Variants in DAB1 observed in about 807,000 individuals in gnomAD.
DAB1 encodes DAB adaptor protein 1, also known as disabled homolog 1.
Under a neutral mutation model 64.6 loss-of-function variants are expected in DAB1, and 15 were observed. The observed-to-expected ratio is 0.23, with a 90% confidence interval of 0.16 to 0.36. DAB1 has a LOEUF of 0.36. Ranked by LOEUF, DAB1 falls within the 10% of genes least tolerant of loss-of-function variation. The pLI is 1.00. For missense variants in DAB1, 596 were observed against 706.7 expected (o/e 0.84, Z 1.78); for synonymous variants, 235 against 251.9 (o/e 0.93, Z 0.64).
Position 58,054,273 on chromosome 1 carries a change from C to G in DAB1, n.387+96238G>C, listed in dbSNP as rs536074196. Among the ~76,000 whole-genome samples, 5 of 152,330 alleles carry G rather than the reference C, an allele frequency of 3.3e-5. No homozygotes were observed. In the East Asian group the frequency reaches 9.6e-4, roughly 29 times the overall value. ...GATAACAGAATAACTCCTATATCTACAATTTTAAAATTCTCATGGCTTAAA... is the reference window on the plus strand; with the variant it reads ...GATAACAGAATAACTCCTATATCTAGAATTTTAAAATTCTCATGGCTTAAA... On this transcript the variant is annotated intron_variant and non_coding_transcript_variant, in intron 5 of 20. Transcript: ENST00000485760.
At chr1:58,257,209 A>T (rs1051097133) in intron 4 of DAB1, among the ~76,000 whole-genome samples, 1 of 152,206 alleles carries the variant, frequency 6.6e-6, no homozygotes, top group South Asian at 2.1e-4. Flanking sequence ...AAAATCTCCA[A>T]CCAAGCTGCA....
intron 2 of DAB1, among the ~76,000 whole-genome samples, chr1:57,206,406 A>G (rs197610): frequency 0.54 from 82,005 of 152,082 alleles, 22,367 homozygotes; most frequent in African/African-American, 0.6. Context: ...TACCTCATTG[A>G]TAAGATTTGT....
intron 1 of DAB1, among the ~76,000 whole-genome samples, chr1:57,306,403 T>C (rs1320012468): frequency 6.6e-6 from 1 of 151,902 alleles, no homozygotes; most frequent in African/African-American, 2.4e-5. Context: ...TATTAGCTGA[T>C]AAATAAAACC....
intron 8 of DAB1, among the ~76,000 whole-genome samples, chr1:57,068,944 ATGT>A (rs1651190685): frequency 6.6e-6 from 1 of 152,230 alleles, no homozygotes; most frequent in Non-Finnish European, 1.5e-5. Context: ...AATATTCTCA[ATGT>A]TGTTTTCACA....
chr1:58,479,586 GAGA>G (rs1322921531), intron 3 of DAB1, among the ~76,000 whole-genome samples: 6 of 152,162 alleles, frequency 3.9e-5, no homozygotes, highest in Non-Finnish European at 7.4e-5. Flanking sequence ...AAGGGTCTGA[GAGA>G]AGAACCTATA....
chr1:57,402,277 G>A (rs1413000548), intron 1 of DAB1, among the ~76,000 whole-genome samples: 1 of 152,196 alleles, frequency 6.6e-6, no homozygotes, highest in Non-Finnish European at 1.5e-5. Context: ...GGCTGAGCAA[G>A]AGCAGTAAAA....
At chr1:58,387,235 C>T (rs1644439761) in intron 3 of DAB1, among the ~76,000 whole-genome samples, 1 of 152,162 alleles carries the variant, frequency 6.6e-6, no homozygotes, top group African/African-American at 2.4e-5. Context: ...GGAAAGGTTC[C>T]CCTCCACTCT....
rs1644233055 is a variant in DAB1, at chr1:57,496,559, G to A, written n.625+153033C>T. Among the ~76,000 whole-genome samples the A allele has an allele frequency of 2.0e-5, 3 of 152,202 alleles. No individual in the cohort carries two copies. The South Asian group carries it at 6.2e-4, about 32-fold the overall frequency. Reference sequence around the variant, plus strand: ...GATTGGCATGCCAATCCTGACAGGAGGCTCTCCTATTGCTGTTTTTCAAAC... The same window carrying A: ...GATTGGCATGCCAATCCTGACAGGAAGCTCTCCTATTGCTGTTTTTCAAAC... On this transcript the variant is annotated intron_variant and non_coding_transcript_variant, in intron 7 of 20. Transcript: ENST00000485760.
In DAB1 at chr1:58,057,568, C is replaced by G. The variant is rs151187518; in HGVS notation, n.387+92943G>C. On this transcript the variant is annotated intron_variant and non_coding_transcript_variant, in intron 5 of 20. Transcript: ENST00000485760. ...GTAAAGACAGGGGCAGAAACTGGAG[C>G]ACTACAGCTGCAAGCCAAGGAATGC... Among the ~76,000 whole-genome samples the G allele has an allele frequency of 8.0e-3, 1,212 of 152,158 alleles. 13 individuals carry two copies. The highest frequency in any genetic ancestry group is 0.028 in the African/African-American group (1,166 of 41,504).
At chr1:57,895,199 A>G (rs915917915) in intron 5 of DAB1, among the ~76,000 whole-genome samples, 1 of 152,182 alleles carries the variant, frequency 6.6e-6, no homozygotes, top group Non-Finnish European at 1.5e-5. Flanking sequence ...GCCAACACTT[A>G]TGTAGCGCGT....
At chr1:58,279,252 C>CT (rs1471056870) in intron 4 of DAB1, among the ~76,000 whole-genome samples, 1 of 152,172 alleles carries the variant, frequency 6.6e-6, no homozygotes, top group Admixed American at 6.6e-5. Flanking sequence ...GATAATGCCA[C>CT]TTAATTTGGT....
intron 4 of DAB1, among the ~76,000 whole-genome samples, chr1:58,297,797 A>T (rs1662028634): frequency 6.6e-6 from 1 of 152,212 alleles, no homozygotes; most frequent in Non-Finnish European, 1.5e-5. Flanking sequence ...CATGAGAAAG[A>T]CATTTGTAAA....
At chr1:57,197,524 G>A (rs925221479) in intron 2 of DAB1, among the ~76,000 whole-genome samples, 4 of 152,102 alleles carry the variant, frequency 2.6e-5, no homozygotes, top group African/African-American at 9.7e-5. Flanking sequence ...CATGAACTAG[G>A]TACAATTATT....
At chr1:58,128,848 A>G (rs1022078590) in intron 5 of DAB1, among the ~76,000 whole-genome samples, 2 of 149,638 alleles carry the variant, frequency 1.3e-5, no homozygotes, top group Admixed American at 6.7e-5. Context: ...GTGCTGCTGG[A>G]TTTGTTTTGC....
chr1:58,128,733 G>C (rs1282602863), intron 5 of DAB1, among the ~76,000 whole-genome samples: 1 of 116,318 alleles, frequency 8.6e-6, no homozygotes, highest in African/African-American at 3.5e-5. Flanking sequence ...TTTTGTCTTT[G>C]GCTCTGTTTA....
intron 4 of DAB1, among the ~76,000 whole-genome samples, chr1:58,313,073 A>C (rs1662466911): frequency 6.6e-6 from 1 of 151,900 alleles, no homozygotes; most frequent in Admixed American, 6.6e-5. Flanking sequence ...CCAAGTCATG[A>C]CTCCAGTCTT....
At chr1:57,109,323 T>C (rs985816465) in intron 4 of DAB1, among the ~76,000 whole-genome samples, 1 of 152,204 alleles carries the variant, frequency 6.6e-6, no homozygotes, top group African/African-American at 2.4e-5. Context: ...ATTTATGACA[T>C]GAGTTTCCAA....
At chr1:57,522,067 G>GC (rs1299977088) in intron 7 of DAB1, among the ~76,000 whole-genome samples, 13 of 151,970 alleles carry the variant, frequency 8.6e-5, no homozygotes, top group African/African-American at 3.1e-4. Context: ...CTGAGATCGT[G>GC]CCACTGCACT....
intron 4 of DAB1, among the ~76,000 whole-genome samples, chr1:57,085,731 C>G (rs554542308): frequency 6.6e-6 from 1 of 152,276 alleles, no homozygotes; most frequent in Non-Finnish European, 1.5e-5. Context: ...CTCCCATGTT[C>G]GTTTTTGGCT....
Sources: allele counts gnomAD v4.1 joint callset (sites outside exome capture counted in the v4.1 genomes callset), GRCh38; gene constraint gnomAD v4.1.1; transcripts MANE v1.5; gene names NCBI Gene and HGNC (gene_info 2026-07-23, HGNC 2026-07-21).